SACS: variants seen among roughly 807,000 people sequenced by gnomAD.
SACS encodes the protein sacsin molecular chaperone.
SACS carries 197 observed loss-of-function variants against 348.0 expected under a neutral mutation model. The observed-to-expected ratio is 0.57, with a 90% CI of 0.50 to 0.64. SACS has a LOEUF of 0.64. Ranked by LOEUF, SACS falls within the 30% of genes least tolerant of loss-of-function variation. The pLI is 0.00. For missense variants in SACS, 4,999 were observed against 5,360.8 expected, an observed-to-expected ratio of 0.93 and a Z score of 2.11; for synonymous variants, 1,985 against 1,910.6, an observed-to-expected ratio of 1.04 and a Z score of -1.02.
chr13:23,369,020 C>T (rs902833186), intron 4 of SACS, among the ~76,000 whole-genome samples: 1 of 152,236 alleles, frequency 6.6e-6, no homozygotes, highest in African/African-American at 2.4e-5. Flanking sequence ...AACTGAACTA[C>T]AAATAAAGTC....
intron 2 of SACS, among the ~76,000 whole-genome samples, chr13:23,391,573 C>T (rs76503764): frequency 5.2e-5 from 2 of 38,466 alleles, no homozygotes; most frequent in South Asian, 2.0e-3. Flanking sequence ...CGGGACTCTG[C>T]GCCCTTCAAG....
chr13:23,367,931 T>C (rs916379303), intron 5 of SACS, among the ~76,000 whole-genome samples: 1 of 152,166 alleles, frequency 6.6e-6, no homozygotes, highest in Non-Finnish European at 1.5e-5. Flanking sequence ...AAAAAACATA[T>C]TACAAAAAGA....
intron 2 of SACS, among the ~76,000 whole-genome samples, chr13:23,393,625 T>C (rs900907502): frequency 1.3e-5 from 2 of 152,236 alleles, no homozygotes; most frequent in Admixed American, 6.5e-5. Flanking sequence ...CAAAAACCTA[T>C]ATTTCTTCTT....
At chr13:23,409,522 G>GT (rs1703666387) in intron 2 of SACS, among the ~76,000 whole-genome samples, 1 of 150,510 alleles carries the variant, frequency 6.6e-6, no homozygotes, top group African/African-American at 2.4e-5. Context: ...CTAATTTTGC[G>GT]TTTTTAGTAA....
At chr13:23,404,324 C>T (rs557372144) in intron 2 of SACS, among the ~76,000 whole-genome samples, 3 of 152,280 alleles carry the variant, frequency 2.0e-5, no homozygotes, top group African/African-American at 4.8e-5. Flanking sequence ...ACAAAAACCA[C>T]GTGATTATCT....
chr13:23,336,187 A>G lies in SACS; in HGVS notation c.7689T>C (p.Phe2563=), dbSNP rs1195517225. ...ADDAKATEIC[F]VFDPRQHPVD... ...CTGGATGCTGTCTAGGATCAAACAC[A>G]AAACAGATTTCTGTCGCCTTTGCAT... Residue 2563 remains phenylalanine, a synonymous_variant, in exon 10 of 10, where the codon TTT becomes TTC. Coordinates refer to ENST00000382292, the MANE Select transcript of SACS (RefSeq NM_014363.6). 2 of 1,614,090 alleles carry G rather than the reference A, an allele frequency of 1.2e-6. No individual in the cohort carries two copies. Among genetic ancestry groups the G allele is most frequent in the South Asian group, 1.1e-5 (1 of 91,076 alleles).
In SACS at chr13:23,367,501, G is replaced by A. The variant is rs1304298757; in HGVS notation, c.345+901C>T. Among the ~76,000 whole-genome samples the A allele has an allele frequency of 2.0e-5, 3 of 152,208 alleles. No individual in the cohort carries two copies. In the East Asian group the frequency reaches 5.8e-4, roughly 29 times the overall value. On this transcript the variant is annotated intron_variant, in intron 5 of 9. Coordinates refer to ENST00000382292, the MANE Select transcript of SACS (RefSeq NM_014363.6). ...CAACTGGTCTACTTTGACAATTAAG[G>A]AAGTTTCTTATTAAACACAAAATCT...
chr13:23,375,332 G>A lies in SACS; in HGVS notation c.21-63C>T, dbSNP rs376072566. 8.1e-6 allele frequency: 11 copies of A among 1,351,758 alleles called. No individual in the cohort carries two copies. In the South Asian group the frequency reaches 9.9e-5, roughly 12 times the overall value. The allele number at this position is 1,351,758 out of a possible 1,614,324, so 83.7% of individuals were successfully genotyped here. A position where few individuals can be genotyped will look rare whatever the true frequency, so the allele number is the denominator to read the frequency against. On this transcript the variant is annotated intron_variant, in intron 2 of 9. Coordinates refer to ENST00000382292, the MANE Select transcript of SACS (RefSeq NM_014363.6). ...TGCCACCCGCCCGCCCAGCGCCCGC[G>A]CGGCCTCCACCCGCGTTACCTCTCC...
Position 23,338,302 on chromosome 13 carries a change from G to C in SACS, c.5574C>G (p.Asp1858Glu). The change falls in exon 10 of 10, where the codon GAC becomes GAG. Residue 1858 changes from aspartate (D) to glutamate (E), a missense_variant. By Grantham distance (45) the Asp-to-Glu change is conservative. Transcript: ENST00000382292. ...TGTGTGGTTTCACTGTCCACTTCTG[G>C]TCCTGGATTTCTGACAGCTGAACTC... Reference protein sequence around the residue: ...AVGVQLSEIQDQKWTVKPHIG... With the variant: ...AVGVQLSEIQEQKWTVKPHIG... 1 of 1,614,050 alleles carries C rather than the reference G, an allele frequency of 6.2e-7. No homozygotes were observed. Among genetic ancestry groups the C allele is most frequent in the Non-Finnish European group, 8.5e-7 (1 of 1,179,982 alleles).
intron 6 of SACS, among the ~76,000 whole-genome samples, chr13:23,361,371 C>G (rs1566084217): frequency 6.6e-6 from 1 of 152,182 alleles, no homozygotes; most frequent in Non-Finnish European, 1.5e-5. Flanking sequence ...GTAATCAACT[C>G]AGTCTCATTG....
chr13:23,388,849 A>C (rs1285916509), intron 2 of SACS, among the ~76,000 whole-genome samples: 2 of 152,076 alleles, frequency 1.3e-5, no homozygotes, highest in Non-Finnish European at 2.9e-5. Flanking sequence ...TATCCAAGTA[A>C]CCAAAAACCA....
At chr13:23,412,032 C>G (rs147755775) in intron 1 of SACS, among the ~76,000 whole-genome samples, 309 of 152,186 alleles carry the variant, frequency 2.0e-3, no homozygotes, top group African/African-American at 7.1e-3. Flanking sequence ...GGCAGAGGCG[C>G]GCAGGTCACA....
rs763546908 is a variant in SACS, at chr13:23,334,205, C to T, written c.9671G>A (p.Arg3224Gln). The change falls in exon 10 of 10, where the codon CGA (arginine) becomes CAA (glutamine). Residue 3224 changes from arginine (R) to glutamine (Q), a missense_variant. Arg to Gln is a conservative substitution (Grantham distance 43). Transcript: ENST00000382292. ...TGTGCAACTTTTGGTCTTATATTCT[C>T]GAGGCAACACAGAGGATAACAAATC... ...FADLLSSVLP[R>Q]EYKTKSCTKW... 6 of 1,613,574 alleles carry T rather than the reference C, an allele frequency of 3.7e-6. No homozygotes were observed. Among genetic ancestry groups the T allele is most frequent in the East Asian group, 2.2e-5 (1 of 44,880 alleles).
At chr13:23,351,156 C>T (rs767690906) in intron 9 of SACS, among the ~76,000 whole-genome samples, 20 of 152,244 alleles carry the variant, frequency 1.3e-4, no homozygotes, top group Non-Finnish European at 2.6e-4. Context: ...GTGTCACTTA[C>T]TGGTTCCCCG....
chr13:23,358,312 GACC>G lies in SACS; in HGVS notation c.604+20_604+22del. 6.2e-7 allele frequency: 1 copy of G among 1,609,174 alleles called. No individual in the cohort carries two copies. The highest frequency in any genetic ancestry group is 1.1e-5 in the South Asian group (1 of 90,950). ...AAGATATAATATTTTCTAATACCAA[GACC>G]GAAAAGCCTAATACTCTACCTGTTA... On this transcript the variant is annotated intron_variant, in intron 7 of 9. Coordinates refer to ENST00000382292, the MANE Select transcript of SACS (RefSeq NM_014363.6).
In SACS at chr13:23,329,513, TTAAA is replaced by T. The variant is rs749468661; in HGVS notation, c.*619_*622del. 4 of 725,476 alleles carry T rather than the reference TTAAA, an allele frequency of 5.5e-6. No individual in the cohort carries two copies. The highest frequency in any genetic ancestry group is 1.8e-5 in the African/African-American group (1 of 56,290). 44.9% of individuals were successfully genotyped at this position (725,476 alleles called of 1,614,324 possible). A position where few individuals can be genotyped will look rare whatever the true frequency, so the allele number is the denominator to read the frequency against. ...TAAACATAAGATGTTAAAAAAAAAT[TTAAA>T]TAAAGATGTAAAGTGCACTCAGTGC... On this transcript the variant is annotated 3_prime_UTR_variant, in exon 10 of 10. Transcript: ENST00000382292.
intron 1 of SACS, among the ~76,000 whole-genome samples, chr13:23,418,473 A>G (rs1330845524): frequency 6.6e-6 from 1 of 151,950 alleles, no homozygotes; most frequent in Non-Finnish European, 1.5e-5. Flanking sequence ...TTCTCATCTG[A>G]TGTTTCCACA....
At position 23,375,167 on chromosome 13, in the gene SACS, C is replaced by A; in HGVS notation, c.123G>T (p.Glu41Asp). 1 of 1,505,464 alleles carries A rather than the reference C, an allele frequency of 6.6e-7. No homozygotes were observed. The highest frequency in any genetic ancestry group is 8.9e-7 in the Non-Finnish European group (1 of 1,127,440). 93.3% of individuals were successfully genotyped at this position (1,505,464 alleles called of 1,614,324 possible). A position where few individuals can be genotyped will look rare whatever the true frequency, so the allele number is the denominator to read the frequency against. The change falls in exon 3 of 10, where the codon GAG becomes GAT. Residue 41 changes from glutamate (E) to aspartate (D), a missense_variant. By Grantham distance (45) the Glu-to-Asp change is conservative (BLOSUM62 2). This residue lies in a region of SACS where 3,156 missense variants were observed against 3,380.1 expected (regional missense o/e 0.93). Coordinates refer to ENST00000382292, the MANE Select transcript of SACS (RefSeq NM_014363.6). Reference sequence around the variant, plus strand: ...GCTGCTCCGACACCGGGAAGCCAGTCTCCGCGAAGATACGTTCCTTCACAT... The same window carrying A: ...GCTGCTCCGACACCGGGAAGCCAGTATCCGCGAAGATACGTTCCTTCACAT... ...VRDVKERIFA[E>D]TGFPVSEQRL...
chr13:23,397,221 G>T (rs1018855320), intron 2 of SACS, among the ~76,000 whole-genome samples: 2 of 152,162 alleles, frequency 1.3e-5, no homozygotes, highest in African/African-American at 4.8e-5. Flanking sequence ...AATTAATAAG[G>T]GTGAGGTGAA....
Sources: gnomAD v4.1 joint callset for allele counts (sites outside exome capture counted in the v4.1 genomes callset) on GRCh38, gnomAD v4.1.1 for gene constraint, gnomAD v4.1.1 regional missense constraint, MANE v1.5 for transcripts, NCBI Gene and HGNC (gene_info 2026-07-23, HGNC 2026-07-21) for gene names.